CNTN4: variants seen among roughly 807,000 people sequenced by gnomAD.
CNTN4 encodes contactin-4.
A neutral mutation model predicts 122.5 loss-of-function variants in CNTN4; 77 were observed. That is an observed-to-expected ratio of 0.63 (90% confidence interval 0.52 to 0.76). The LOEUF (loss-of-function observed/expected upper bound fraction) is 0.76. Among genes scored for constraint, CNTN4 ranks in the 30% least tolerant of loss-of-function variants. The probability of loss-of-function intolerance (pLI) is 0.00; values close to 1 mark genes in which losing one functional copy is unlikely to be tolerated. For synonymous variants in CNTN4, 512 were observed against 447.0 expected, an observed-to-expected ratio of 1.15 and a Z score of -1.83; for missense variants, 1,256 against 1,259.1, an observed-to-expected ratio of 1.00 and a Z score of 0.04.
chr3:2,260,960 G>C lies in CNTN4; in HGVS notation c.-144-78218G>C, dbSNP rs183404556. Reference sequence around the variant, plus strand: ...TGGCCAGGCTGGTCTCAAAGTCCTTGCCTCAAGTGATCTGCCTGCCTCGGC... The same window carrying C: ...TGGCCAGGCTGGTCTCAAAGTCCTTCCCTCAAGTGATCTGCCTGCCTCGGC... On this transcript the variant is annotated intron_variant, in intron 2 of 24. Transcript: ENST00000418658. Among the ~76,000 whole-genome samples, 230 of 152,006 alleles carry C rather than the reference G, an allele frequency of 1.5e-3. 5 individuals carry two copies. The highest frequency in any genetic ancestry group is 0.013 in the Admixed American group (196 of 15,258).
At chr3:2,292,680 T>C (rs559329484) in intron 2 of CNTN4, among the ~76,000 whole-genome samples, 12 of 152,252 alleles carry the variant, frequency 7.9e-5, no homozygotes, top group Non-Finnish European at 1.2e-4. Context: ...TAGTATATAC[T>C]CTTCTTTGCC....
At chr3:2,526,907 G>T (rs1471628304) in intron 3 of CNTN4, among the ~76,000 whole-genome samples, 1 of 152,084 alleles carries the variant, frequency 6.6e-6, no homozygotes, top group African/African-American at 2.4e-5. Context: ...TTGATAACTG[G>T]TTTGCTTAGC....
chr3:2,627,466 A>C (rs1408226297), intron 4 of CNTN4, among the ~76,000 whole-genome samples: 1 of 148,318 alleles, frequency 6.7e-6, no homozygotes, highest in South Asian at 2.1e-4. Flanking sequence ...TGTCATCCAC[A>C]TGAGGGATGT....
At chr3:2,671,290 A>T (rs1223587604) in intron 4 of CNTN4, among the ~76,000 whole-genome samples, 1 of 151,958 alleles carries the variant, frequency 6.6e-6, no homozygotes, top group Non-Finnish European at 1.5e-5. Context: ...TGTTCATTTC[A>T]TTTTATTCTT....
At chr3:2,218,662 C>T (rs1464613183) in intron 2 of CNTN4, among the ~76,000 whole-genome samples, 1 of 152,194 alleles carries the variant, frequency 6.6e-6, no homozygotes, top group Non-Finnish European at 1.5e-5. Flanking sequence ...GTTATTCTTA[C>T]ACACGTATGT....
chr3:2,277,687 A>G (rs2041567973), intron 2 of CNTN4, among the ~76,000 whole-genome samples: 1 of 152,058 alleles, frequency 6.6e-6, no homozygotes, highest in Admixed American at 6.6e-5. Context: ...AGTTAACATT[A>G]ATATACTTTT....
chr3:2,660,163 T>G (rs1048748443), intron 4 of CNTN4, among the ~76,000 whole-genome samples: 1 of 152,044 alleles, frequency 6.6e-6, no homozygotes, highest in South Asian at 2.1e-4. Context: ...TCCTGAAAAC[T>G]GTAAAGCCAC....
chr3:2,136,074 C>A (rs888731066), intron 2 of CNTN4, among the ~76,000 whole-genome samples: 9 of 152,166 alleles, frequency 5.9e-5, no homozygotes, highest in African/African-American at 2.2e-4. Flanking sequence ...CTCATGACCC[C>A]AGGTCAATCT....
At chr3:2,198,398 C>G (rs2037945129) in intron 2 of CNTN4, among the ~76,000 whole-genome samples, 1 of 152,140 alleles carries the variant, frequency 6.6e-6, no homozygotes. Context: ...TGTTTCCTAG[C>G]AGGTACATGC....
At chr3:2,807,648 T>G (rs1274832803) in intron 6 of CNTN4, among the ~76,000 whole-genome samples, 1 of 152,170 alleles carries the variant, frequency 6.6e-6, no homozygotes, top group African/African-American at 2.4e-5. Flanking sequence ...TTCCCTAAAA[T>G]AGCTATGATG....
intron 2 of CNTN4, among the ~76,000 whole-genome samples, chr3:2,115,147 A>G (rs535766491): frequency 6.6e-6 from 1 of 152,306 alleles, no homozygotes; most frequent in African/African-American, 2.4e-5. Flanking sequence ...TCATGCAGGC[A>G]TGTGACCTAA....
At chr3:2,411,260 A>C (rs1008701314) in intron 3 of CNTN4, among the ~76,000 whole-genome samples, 2 of 152,166 alleles carry the variant, frequency 1.3e-5, no homozygotes, top group African/African-American at 2.4e-5. Flanking sequence ...TAGGTGCAGC[A>C]AACCACCATG....
chr3:2,155,766 C>G (rs896226640), intron 2 of CNTN4, among the ~76,000 whole-genome samples: 1 of 152,176 alleles, frequency 6.6e-6, no homozygotes, highest in African/African-American at 2.4e-5. Flanking sequence ...TAGCTCTTGT[C>G]TGCACCAGAG....
chr3:2,943,380 G>C (rs112798162), intron 13 of CNTN4, among the ~76,000 whole-genome samples: 4 of 151,932 alleles, frequency 2.6e-5, no homozygotes, highest in Admixed American at 6.6e-5. Flanking sequence ...ATTAGCCCAG[G>C]GAGAACAGGA....
intron 3 of CNTN4, among the ~76,000 whole-genome samples, chr3:2,514,214 C>G (rs1029742173): frequency 6.6e-6 from 1 of 152,138 alleles, no homozygotes; most frequent in Non-Finnish European, 1.5e-5. Flanking sequence ...GACTTTATAA[C>G]GTCCTCAGCG....
chr3:2,558,158 C>T (rs1184795148), intron 3 of CNTN4, among the ~76,000 whole-genome samples: 5 of 152,136 alleles, frequency 3.3e-5, no homozygotes, highest in East Asian at 1.9e-4. Context: ...AAAATGTCAG[C>T]GTTTCCATAC....
At chr3:3,023,862 C>T (rs1574851858) in intron 14 of CNTN4, among the ~76,000 whole-genome samples, 5 of 152,308 alleles carry the variant, frequency 3.3e-5, no homozygotes, top group East Asian at 1.9e-4. Flanking sequence ...TAGACTTATT[C>T]CTGCATGATT....
intron 4 of CNTN4, among the ~76,000 whole-genome samples, chr3:2,624,573 G>C (rs2082110605): frequency 6.7e-6 from 1 of 148,560 alleles, no homozygotes; most frequent in Non-Finnish European, 1.5e-5. Flanking sequence ...GTATTATACA[G>C]ATAAAGTTTG....
chr3:2,413,406 G>A (rs1015451956), intron 3 of CNTN4, among the ~76,000 whole-genome samples: 1 of 152,204 alleles, frequency 6.6e-6, no homozygotes, highest in African/African-American at 2.4e-5. Context: ...TTGATATTGG[G>A]AAAATGGTGT....
Sources: gnomAD v4.1 joint callset for allele counts (sites outside exome capture counted in the v4.1 genomes callset) on GRCh38, gnomAD v4.1.1 for gene constraint, MANE v1.5 for transcripts, NCBI Gene and HGNC (gene_info 2026-07-23, HGNC 2026-07-21) for gene names.